The following SYNE2 variants were observed in gnomAD, a reference collection of about 807,000 sequenced individuals.
SYNE2 encodes the protein nesprin-2.
A neutral mutation model predicts 856.3 loss-of-function variants in SYNE2; 431 were observed. The ratio of observed to expected loss-of-function variants is 0.50; its 90% CI spans 0.47 to 0.55. The LOEUF (loss-of-function observed/expected upper bound fraction) is 0.55. Among genes scored for constraint, SYNE2 ranks in the 20% least tolerant of loss-of-function variants. SYNE2 has a pLI of 0.00. For synonymous variants in SYNE2, 2,923 were observed against 2,872.3 expected (o/e 1.02, Z -0.56); for missense variants, 8,129 against 8,023.2 (o/e 1.01, Z -0.50).
chr14:64,130,341 T>C (rs2098002901), intron 76 of SYNE2, 93 bp downstream of exon 76: 7 of 1,169,364 alleles, frequency 6.0e-6, no homozygotes, highest in East Asian at 5.1e-5. Context: ...TTTTCTTCTT[T>C]GTTGAAATTT....
At chr14:64,183,271 C>G (rs1464252516) in intron 96 of SYNE2, among the ~76,000 whole-genome samples, 1 of 151,414 alleles carries the variant, frequency 6.6e-6, no homozygotes, top group East Asian at 2.0e-4. Flanking sequence ...CCCTCACCTC[C>G]CAGACAGGGT....
At chr14:63,959,287 C>CTTTTTTTTTTTTTTTTT (rs34198434) in intron 8 of SYNE2, among the ~76,000 whole-genome samples, 1 of 81,382 alleles carries the variant, frequency 1.2e-5, no homozygotes, top group Non-Finnish European at 2.3e-5. Context: ...TTTTCTTCTT[C>CTTTTTTTTTTTTTTTTT]TTTTTTTTTT....
At chr14:64,150,007 CTTTTTTTT>C (rs755126549) in intron 84 of SYNE2, among the ~76,000 whole-genome samples, 6 of 94,410 alleles carry the variant, frequency 6.4e-5, no homozygotes, top group South Asian at 7.6e-4. Flanking sequence ...TTTTTCTTTT[CTTTTTTTT>C]TTTTTTTTTT....
chr14:64,074,149 T>C lies in SYNE2; in HGVS notation c.10866+13T>C. On this transcript the variant is annotated intron_variant, in intron 53 of 115. Coordinates refer to ENST00000555002, the MANE Select transcript of SYNE2 (RefSeq NM_182914.3). ...AGAACAATTTGAGGTAAGTGAGGAA[T>C]GAATTAGTGAATGTGGCAGGTACAG... 6.2e-7 allele frequency: 1 copy of C among 1,612,876 alleles called. No homozygotes were observed. The highest frequency in any genetic ancestry group is 8.5e-7 in the Non-Finnish European group (1 of 1,178,874).
At chr14:64,141,633 T>C in intron 81 of SYNE2, 110 bp downstream of exon 81, 1 of 1,212,872 alleles carries the variant, frequency 8.2e-7, no homozygotes, top group Non-Finnish European at 1.2e-6. Flanking sequence ...CCTATTTTTC[T>C]CTGGCACCAC....
At chr14:64,023,850 TGCTTG>T in intron 38 of SYNE2, 1 of 224,624 alleles carries the variant, frequency 4.5e-6, no homozygotes, top group Non-Finnish European at 8.9e-6. Context: ...TTTTTTTGTT[TGCTTG>T]TTTGCCTTTA....
intron 84 of SYNE2, among the ~76,000 whole-genome samples, chr14:64,151,625 G>A (rs1255936828): frequency 6.6e-6 from 1 of 151,738 alleles, no homozygotes; most frequent in Non-Finnish European, 1.5e-5. Flanking sequence ...TAGAACATGA[G>A]CTAAGGGTCG....
chr14:63,772,309 A>C (rs1395527183), intron 1 of SYNE2, among the ~76,000 whole-genome samples: 1 of 152,160 alleles, frequency 6.6e-6, no homozygotes, highest in Non-Finnish European at 1.5e-5. Context: ...AGCTGTGGTC[A>C]TGCCACTGTA....
chr14:64,122,300 G>C lies in SYNE2; in HGVS notation c.13295G>C (p.Ser4432Thr). ...QESSASNQAS[S>T]PENDVPDSIL... ...TTCTTCAAAAGCAACCAGGCATCCA[G>C]CCCTGAAAATGACGTTCCAGACTCG... The change falls in exon 70 of 116, where the codon AGC (serine) becomes ACC (threonine). Residue 4432 changes from serine (S) to threonine (T), a missense_variant. Physicochemically the swap from Ser to Thr is moderately conservative, Grantham distance 58. Around this residue, in one of 3 missense-constraint regions of SYNE2, gnomAD observed 5,410 missense variants for 5,284.8 expected, o/e 1.02. Coordinates refer to ENST00000555002, the MANE Select transcript of SYNE2 (RefSeq NM_182914.3). 1 of 1,614,138 alleles carries C rather than the reference G, an allele frequency of 6.2e-7. No individual in the cohort carries two copies. The highest frequency in any genetic ancestry group is 8.5e-7 in the Non-Finnish European group (1 of 1,180,006).
At chr14:64,006,683 C>T (rs769493921) in intron 30 of SYNE2, among the ~76,000 whole-genome samples, 3 of 151,890 alleles carry the variant, frequency 2.0e-5, no homozygotes, top group Non-Finnish European at 4.4e-5. Context: ...GAAAAATTAG[C>T]CAGGCGTGGT....
chr14:63,956,189 A>G (rs2096239895), intron 8 of SYNE2, among the ~76,000 whole-genome samples: 1 of 152,222 alleles, frequency 6.6e-6, no homozygotes, highest in South Asian at 2.1e-4. Flanking sequence ...ACTGATTTCA[A>G]GTTACCAATG....
intron 102 of SYNE2, 90 bp from the exon 103 acceptor site, chr14:64,209,852 C>G: frequency 6.4e-7 from 1 of 1,562,216 alleles, no homozygotes; most frequent in Non-Finnish European, 8.8e-7. Context: ...GGGATGAACC[C>G]CTGGCAGCAG....
chr14:64,026,806 C>G, intron 42 of SYNE2, 76 bp downstream of exon 42: 1 of 1,516,584 alleles, frequency 6.6e-7, no homozygotes, highest in Non-Finnish European at 9.0e-7. Flanking sequence ...TTTGTCTGCC[C>G]CCTGGGTTTG....
intron 2 of SYNE2, among the ~76,000 whole-genome samples, chr14:63,920,914 G>C (rs2095592810): frequency 6.6e-6 from 1 of 152,060 alleles, no homozygotes; most frequent in East Asian, 1.9e-4. Flanking sequence ...AGGAGTTCGA[G>C]ACCAGCCTGG....
chr14:64,051,486 G>A (rs577174381), intron 47 of SYNE2, 71 bp from the exon 48 acceptor site: 21 of 1,380,454 alleles, frequency 1.5e-5, no homozygotes, highest in Admixed American at 2.4e-5. Context: ...TTCTTCTAAT[G>A]ATATTTATCC....
At position 64,029,896 on chromosome 14, in the gene SYNE2, A is replaced by G; in HGVS notation, c.6716A>G (p.Asp2239Gly). 1 of 1,613,390 alleles carries G rather than the reference A, an allele frequency of 6.2e-7. No homozygotes were observed. Among genetic ancestry groups the G allele is most frequent in the Non-Finnish European group, 8.5e-7 (1 of 1,179,656 alleles). ...LHESLLQQLQ[D>G]SVQNLDGHVR... ...AATTGTCTGTGGCTTTATTTTTAGG[A>G]TTCTGTGCAAAACTTGGACGGTCAC... is the stretch of plus-strand genomic sequence containing the variant. The change falls in exon 44 of 116, where the codon GAT becomes GGT. Residue 2239 changes from aspartate (D) to glycine (G), a missense_variant and splice_region_variant. This residue lies in a region of SYNE2 where 297 missense variants were observed against 380.9 expected (regional missense o/e 0.78). Coordinates refer to ENST00000555002, the MANE Select transcript of SYNE2 (RefSeq NM_182914.3).
rs1566585200 is a variant in SYNE2, at chr14:63,815,193, CATATATATATCCAT to C, written c.-304-37299_-304-37286del. Among the ~76,000 whole-genome samples the C allele has an allele frequency of 3.3e-4, 4 of 12,266 alleles. 1 individual carries two copies. The highest frequency in any genetic ancestry group is 8.8e-4 in the Admixed American group (1 of 1,140). The allele number at this position is 12,266 out of a possible 152,430, so 8.0% of individuals were successfully genotyped here. ...CCACATATATATCCATATATATATC[CATATATATATCCAT>C]ATATATATCCATATATATATCCATA... On this transcript the variant is annotated intron_variant, in intron 1 of 23. Coordinates refer to the SYNE2 transcript ENST00000674003.
chr14:64,190,786 A>G (rs2098514638), intron 99 of SYNE2: 2 of 658,578 alleles, frequency 3.0e-6, no homozygotes, highest in Admixed American at 2.1e-5. Flanking sequence ...TCCTAAATCA[A>G]AGGACCACAA....
chr14:63,905,956 A>G (rs2095404950), intron 1 of SYNE2, among the ~76,000 whole-genome samples: 1 of 151,992 alleles, frequency 6.6e-6, no homozygotes, highest in Non-Finnish European at 1.5e-5. Flanking sequence ...GGCTCTTATT[A>G]TTTTGAGGTA....
Sources: allele counts gnomAD v4.1 joint callset (sites outside exome capture counted in the v4.1 genomes callset), GRCh38; gene constraint gnomAD v4.1.1; regional missense constraint gnomAD v4.1.1; transcripts MANE v1.5; gene names NCBI Gene and HGNC (gene_info 2026-07-23, HGNC 2026-07-21).